The following PPARG variants were observed in gnomAD, a reference collection of about 807,000 sequenced individuals.
PPARG encodes peroxisome proliferator activated receptor gamma, also known as peroxisome proliferator-activated receptor gamma.
In PPARG, 17 loss-of-function variants were observed where a neutral mutation model predicts 39.2. That is an observed-to-expected ratio of 0.43 (90% confidence interval 0.30 to 0.65). PPARG has a LOEUF of 0.65. PPARG is among the 30% of genes least tolerant of loss of function. The pLI, the probability that PPARG is intolerant of heterozygous loss-of-function variation, is 0.13. For synonymous variants in PPARG, 223 were observed against 215.7 expected (o/e 1.03, Z -0.30); for missense variants, 406 against 585.9 (o/e 0.69, Z 3.17).
At chr3:12,300,194 A>G (rs2046891815) in intron 1 of PPARG, among the ~76,000 whole-genome samples, 1 of 151,386 alleles carries the variant, frequency 6.6e-6, no homozygotes. Flanking sequence ...AAATTTTGCA[A>G]ATTTCACCAG....
At chr3:12,328,279 G>A (rs1265313854) in intron 2 of PPARG, 8 of 1,466,050 alleles carry the variant, frequency 5.5e-6, no homozygotes, top group Admixed American at 3.9e-5. Context: ...GCCCAGTAGG[G>A]AGCCTCTCTG....
At chr3:12,380,702 A>G (rs1251839269) in intron 3 of PPARG, among the ~76,000 whole-genome samples, 1 of 152,166 alleles carries the variant, frequency 6.6e-6, no homozygotes, top group Non-Finnish European at 1.5e-5. Context: ...GTTAGAGCCT[A>G]ATATGGAAAT....
chr3:12,342,122 C>T (rs988494672), intron 2 of PPARG, among the ~76,000 whole-genome samples: 2 of 152,168 alleles, frequency 1.3e-5, no homozygotes, highest in East Asian at 3.9e-4. Context: ...ATAGGAAGTA[C>T]ACATCCCCTA....
rs1350738862 is a variant in PPARG, at chr3:12,379,933, T to TATG, written c.220+6_220+8dup. The TATG allele has an allele frequency of 6.3e-7, 1 of 1,587,414 alleles. No homozygotes were observed. Among genetic ancestry groups the TATG allele is most frequent in the Non-Finnish European group, 8.7e-7 (1 of 1,155,870 alleles). On this transcript the variant is annotated splice_region_variant and intron_variant, in intron 3 of 7. Coordinates refer to ENST00000651735, the MANE Select transcript of PPARG (RefSeq NM_138711.6). Reference sequence around the variant, plus strand: ...ACCTGAAACTTCAAGAGTACCAAAGTATGATGTTTATTTTCACTTTTCAGA... The same window carrying TATG: ...ACCTGAAACTTCAAGAGTACCAAAGTATGATGATGTTTATTTTCACTTTTCAGA...
At chr3:12,413,789 C>T (rs1433182011) in intron 6 of PPARG, among the ~76,000 whole-genome samples, 1 of 144,190 alleles carries the variant, frequency 6.9e-6, no homozygotes, top group Non-Finnish European at 1.5e-5. Flanking sequence ...GCACTCCAGC[C>T]TGGGCAACAG....
chr3:12,314,813 T>C (rs1318409258), intron 2 of PPARG, among the ~76,000 whole-genome samples: 2 of 152,160 alleles, frequency 1.3e-5, no homozygotes, highest in Admixed American at 6.5e-5. Context: ...ATTAGGTCTT[T>C]TTTTGCTTTT....
At chr3:12,288,359 GAGCCGCGGCCGGTGCCGACTCGAGT>G (rs2046561718), upstream of PPARG, among the ~76,000 whole-genome samples, 1 of 151,896 alleles carries the variant, frequency 6.6e-6, no homozygotes, top group Non-Finnish European at 1.5e-5. Context: ...CGGGCACAGA[GAGCCGCGGCCGGTGCCGACTCGAGT>G]GGACGCGAGC....
intron 2 of PPARG, among the ~76,000 whole-genome samples, chr3:12,376,160 G>A (rs1480025885): frequency 6.6e-6 from 1 of 152,042 alleles, no homozygotes; most frequent in East Asian, 1.9e-4. Flanking sequence ...TGTTGATCAG[G>A]CTGGTCTCGA....
At chr3:12,332,864 C>G (rs2047900593) in intron 2 of PPARG, among the ~76,000 whole-genome samples, 1 of 152,044 alleles carries the variant, frequency 6.6e-6, no homozygotes, top group Admixed American at 6.5e-5. Context: ...GACCCCATCT[C>G]TACAAAAAAT....
chr3:12,434,192 C>G lies in PPARG; in HGVS notation c.*47C>G, dbSNP rs765548987. Reference sequence around the variant, plus strand: ...CAACATTTCCCTTCTTCCAGTTGCACTATTCTGAGGGAAAATCTGACACCT... The same window carrying G: ...CAACATTTCCCTTCTTCCAGTTGCAGTATTCTGAGGGAAAATCTGACACCT... On this transcript the variant is annotated 3_prime_UTR_variant, in exon 8 of 8. Coordinates refer to ENST00000651735, the MANE Select transcript of PPARG (RefSeq NM_138711.6). The surrounding 1 kb of genome is among the most constrained non-coding windows in gnomAD (Gnocchi z 4.2). 18 of 1,612,840 alleles carry G rather than the reference C, an allele frequency of 1.1e-5. No homozygotes were observed. Among genetic ancestry groups the G allele is most frequent in the Admixed American group, 3.3e-5 (2 of 59,936 alleles).
intron 3 of PPARG, among the ~76,000 whole-genome samples, chr3:12,380,905 T>C (rs1229561749): frequency 6.6e-6 from 1 of 152,194 alleles, no homozygotes. Flanking sequence ...GTGGTTCTTT[T>C]GCAAGTTGTT....
intron 7 of PPARG, among the ~76,000 whole-genome samples, chr3:12,423,413 A>T (rs528853048): frequency 6.6e-6 from 1 of 152,192 alleles, no homozygotes; most frequent in Non-Finnish European, 1.5e-5. Flanking sequence ...GGGAGTATTC[A>T]TCTCTCTTCC....
intron 2 of PPARG, among the ~76,000 whole-genome samples, chr3:12,327,845 C>T (rs2047738037): frequency 6.6e-6 from 1 of 152,186 alleles, no homozygotes. Flanking sequence ...TATGAGTGTC[C>T]TTTGTTATCA....
chr3:12,399,711 AAGAG>A (rs568050356), intron 5 of PPARG, among the ~76,000 whole-genome samples: 1 of 151,278 alleles, frequency 6.6e-6, no homozygotes, highest in South Asian at 2.1e-4. Context: ...GAAGGAAAGA[AAGAG>A]AGGTGAGCCA....
intron 2 of PPARG, among the ~76,000 whole-genome samples, chr3:12,369,123 G>A (rs571237466): frequency 5.3e-5 from 8 of 152,188 alleles, no homozygotes; most frequent in South Asian, 4.1e-4. Context: ...GCTAAATCCC[G>A]CTCCTCATAG....
intron 5 of PPARG, chr3:12,399,495 G>A (rs74698280): frequency 2.4e-6 from 1 of 422,390 alleles, no homozygotes; most frequent in African/African-American, 2.1e-5. Flanking sequence ...GCTGAGGTAG[G>A]AGCTTCCCTT....
chr3:12,293,590 G>C (rs1040940056), intron 1 of PPARG, among the ~76,000 whole-genome samples: 6 of 152,146 alleles, frequency 3.9e-5, no homozygotes, highest in Non-Finnish European at 7.4e-5. Flanking sequence ...CAGTCAGCAG[G>C]TTGCATGATT....
chr3:12,365,284 T>C (rs915628752), intron 2 of PPARG, among the ~76,000 whole-genome samples: 7 of 152,236 alleles, frequency 4.6e-5, no homozygotes, highest in Non-Finnish European at 1.0e-4. Flanking sequence ...GAACCCCTGC[T>C]TTATCAGATG....
chr3:12,433,537 C>CAAAAAAAA (rs11451254), intron 7 of PPARG, among the ~76,000 whole-genome samples: 1 of 98,816 alleles, frequency 1.0e-5, no homozygotes, highest in Non-Finnish European at 2.2e-5. Context: ...GACTCCATCT[C>CAAAAAAAA]AAAAAAAAAA....
Sources: gnomAD v4.1 joint callset for allele counts (sites outside exome capture counted in the v4.1 genomes callset) on GRCh38, gnomAD v4.1.1 for gene constraint, Gnocchi (gnomAD v3.1) non-coding constraint, MANE v1.5 for transcripts, NCBI Gene and HGNC (gene_info 2026-07-23, HGNC 2026-07-21) for gene names.